Variants in GABBR2 observed in about 807,000 individuals in gnomAD.
The protein encoded by GABBR2 is G-protein coupled receptor 51.
In GABBR2, 23 loss-of-function variants were observed where a neutral mutation model predicts 105.6. That is an observed-to-expected ratio of 0.22 (90% CI 0.16 to 0.31). The LOEUF (loss-of-function observed/expected upper bound fraction) is 0.31. Among genes scored for constraint, GABBR2 ranks in the 10% least tolerant of loss-of-function variants. The pLI, the probability that GABBR2 is intolerant of heterozygous loss-of-function variation, is 1.00. For synonymous variants in GABBR2, 478 were observed against 499.7 expected (o/e 0.96, Z 0.58); for missense variants, 734 against 1,245.5 (o/e 0.59, Z 6.18).
intron 13 of GABBR2, among the ~76,000 whole-genome samples, chr9:98,338,068 C>T (rs543958378): frequency 7.9e-5 from 12 of 152,218 alleles, no homozygotes; most frequent in African/African-American, 1.7e-4. Flanking sequence ...TATATATCCA[C>T]GTGCAAAATA....
intron 1 of GABBR2, among the ~76,000 whole-genome samples, chr9:98,579,642 C>T (rs1023361128): frequency 2.0e-5 from 3 of 152,112 alleles, no homozygotes; most frequent in Non-Finnish European, 4.4e-5. Flanking sequence ...TCATGAAAAT[C>T]GATAGTGAAC....
chr9:98,492,878 G>A (rs2779553), intron 4 of GABBR2, among the ~76,000 whole-genome samples: 1 of 152,190 alleles, frequency 6.6e-6, no homozygotes, highest in Non-Finnish European at 1.5e-5. Flanking sequence ...CTCGCTAAGG[G>A]AACGTTTGTC....
At position 98,303,261 on chromosome 9, in the gene GABBR2, G is replaced by A. The variant is rs1436746234; in HGVS notation, c.2392C>T (p.Leu798=). 1 of 1,614,138 alleles carries A rather than the reference G, an allele frequency of 6.2e-7. No individual in the cohort carries two copies. Residue 798 remains leucine (L), a synonymous_variant, in exon 16 of 19, where the codon CTG becomes TTG. Coordinates refer to ENST00000259455, the MANE Select transcript of GABBR2 (RefSeq NM_005458.8). ...LEGLQSENHR[L]RMKITELDKD... ...GGTACCTCTGTGATCTTCATTCGCA[G>A]GCGATGGTTTTCTGACTGTAGGCCC...
intron 7 of GABBR2, among the ~76,000 whole-genome samples, chr9:98,452,657 A>G (rs1322643893): frequency 6.6e-6 from 1 of 152,234 alleles, no homozygotes; most frequent in East Asian, 1.9e-4. Flanking sequence ...TTATGTATTT[A>G]GCACAATGTC....
At chr9:98,430,596 T>C (rs894952822) in intron 7 of GABBR2, among the ~76,000 whole-genome samples, 3 of 152,196 alleles carry the variant, frequency 2.0e-5, no homozygotes, top group African/African-American at 4.8e-5. Context: ...GTTCTTTCCC[T>C]GGTCTCAAGT....
intron 4 of GABBR2, among the ~76,000 whole-genome samples, chr9:98,494,198 A>AAT (rs1194322330): frequency 2.5e-4 from 38 of 152,328 alleles, no homozygotes; most frequent in Non-Finnish European, 5.0e-4. Flanking sequence ...CTGTTGTTAT[A>AAT]AACCACCTAG....
Position 98,388,815 on chromosome 9 carries a change from T to C in GABBR2, c.1529+39A>G, listed in dbSNP as rs2131496060. 1 of 1,564,054 alleles carries C rather than the reference T, an allele frequency of 6.4e-7. No individual in the cohort carries two copies. The highest frequency in any genetic ancestry group is 8.8e-7 in the Non-Finnish European group (1 of 1,141,582). On this transcript the variant is annotated intron_variant, in intron 10 of 18. Transcript: ENST00000259455. The surrounding 1 kb of genome is among the most constrained non-coding windows in gnomAD (Gnocchi z 4.4). ...TACTGTGTCCATAGGCTTGTCAATTTAGAAAGTGATATCACAGAGGAGGAC... is the reference window on the plus strand; with the variant it reads ...TACTGTGTCCATAGGCTTGTCAATTCAGAAAGTGATATCACAGAGGAGGAC...
At chr9:98,296,107 G>C (rs1830377861) in intron 17 of GABBR2, among the ~76,000 whole-genome samples, 1 of 152,238 alleles carries the variant, frequency 6.6e-6, no homozygotes, top group South Asian at 2.1e-4. Context: ...CAATGTGATA[G>C]TGTAAGAGGT....
At chr9:98,292,340 C>A (rs1411658915) in intron 18 of GABBR2, among the ~76,000 whole-genome samples, 1 of 152,206 alleles carries the variant, frequency 6.6e-6, no homozygotes. Flanking sequence ...GAAACAAAAC[C>A]AGAACTGGGG....
chr9:98,697,853 G>A (rs1830776174), intron 1 of GABBR2, among the ~76,000 whole-genome samples: 1 of 152,136 alleles, frequency 6.6e-6, no homozygotes, highest in African/African-American at 2.4e-5. Context: ...GACTGGGCGG[G>A]GGCATTCGCA....
intron 7 of GABBR2, among the ~76,000 whole-genome samples, chr9:98,415,438 A>C (rs973132295): frequency 1.3e-5 from 2 of 152,212 alleles, no homozygotes; most frequent in Non-Finnish European, 2.9e-5. Context: ...GTGCAAACGT[A>C]AGCCCGTTTC....
chr9:98,458,331 T>C (rs1432430595), intron 6 of GABBR2, among the ~76,000 whole-genome samples: 1 of 152,208 alleles, frequency 6.6e-6, no homozygotes, highest in East Asian at 1.9e-4. Flanking sequence ...AGAGTCTCAT[T>C]TGGAAGTACA....
At chr9:98,301,458 C>G (rs1307866134) in intron 16 of GABBR2, among the ~76,000 whole-genome samples, 2 of 152,220 alleles carry the variant, frequency 1.3e-5, no homozygotes, top group African/African-American at 4.8e-5. Flanking sequence ...CAAACAGCAT[C>G]CTGCTGTAGT....
intron 2 of GABBR2, among the ~76,000 whole-genome samples, chr9:98,573,105 A>G (rs1437532188): frequency 6.6e-6 from 1 of 151,964 alleles, no homozygotes. Context: ...CCCTCCGTCC[A>G]CCTATCCTCT....
chr9:98,338,660 C>A (rs1371551330), intron 13 of GABBR2, among the ~76,000 whole-genome samples: 1 of 152,160 alleles, frequency 6.6e-6, no homozygotes, highest in Non-Finnish European at 1.5e-5. Flanking sequence ...GAAATTGGAA[C>A]CCTCATATAT....
chr9:98,501,602 C>T (rs111918119), intron 3 of GABBR2, among the ~76,000 whole-genome samples: 540 of 152,302 alleles, frequency 3.5e-3, no homozygotes, highest in African/African-American at 0.012. Context: ...GTGGTTCACA[C>T]TCAGAGGACA....
intron 1 of GABBR2, among the ~76,000 whole-genome samples, chr9:98,687,253 G>A (rs923553526): frequency 3.3e-5 from 5 of 151,878 alleles, no homozygotes; most frequent in East Asian, 2.0e-4. Context: ...GGGAGGTCAC[G>A]GACGGAACAT....
intron 1 of GABBR2, among the ~76,000 whole-genome samples, chr9:98,645,324 A>G (rs954620709): frequency 1.3e-5 from 2 of 152,186 alleles, no homozygotes; most frequent in African/African-American, 4.8e-5. Context: ...CATAGCGTCC[A>G]GCCTTGGGGA....
At chr9:98,430,771 G>T (rs954343794) in intron 7 of GABBR2, among the ~76,000 whole-genome samples, 1 of 152,010 alleles carries the variant, frequency 6.6e-6, no homozygotes, top group Admixed American at 6.6e-5. Flanking sequence ...CAGCAAGACT[G>T]CCAGGCTCTG....
Sources: allele counts gnomAD v4.1 joint callset (sites outside exome capture counted in the v4.1 genomes callset), GRCh38; gene constraint gnomAD v4.1.1; non-coding constraint Gnocchi (gnomAD v3.1); transcripts MANE v1.5; gene names NCBI Gene and HGNC (gene_info 2026-07-23, HGNC 2026-07-21).